The following VTI1A variants were observed in gnomAD, a reference collection of about 807,000 sequenced individuals.
VTI1A encodes the protein vesicle transport through interaction with t-SNAREs homolog 1A.
Under a neutral mutation model 34.9 loss-of-function variants are expected in VTI1A, and 22 were observed. The observed-to-expected ratio is 0.63, with a 90% CI of 0.45 to 0.90. The LOEUF (loss-of-function observed/expected upper bound fraction) is 0.90, where lower values mean the gene tolerates loss of function less well. Among genes scored for constraint, VTI1A ranks in the 40% least tolerant of loss-of-function variants. The probability of loss-of-function intolerance (pLI) is 0.00; values close to 1 mark genes in which losing one functional copy is unlikely to be tolerated. For synonymous variants in VTI1A, 87 were observed against 97.3 expected (o/e 0.89, Z 0.62); for missense variants, 268 against 275.6 (o/e 0.97, Z 0.20).
intron 5 of VTI1A, among the ~76,000 whole-genome samples, chr10:112,605,655 G>T (rs2134489335): frequency 6.6e-6 from 1 of 152,264 alleles, no homozygotes; most frequent in South Asian, 2.1e-4. Context: ...CATTTTCCTT[G>T]CAACTAAGGC....
chr10:112,621,601 A>G (rs12247608), intron 5 of VTI1A, among the ~76,000 whole-genome samples: 13,390 of 152,244 alleles, frequency 0.088, 659 homozygotes, highest in Non-Finnish European at 0.11. Context: ...TCTGGGAACC[A>G]TTCCACCACA....
At chr10:112,678,424 C>T (rs560609458) in intron 7 of VTI1A, among the ~76,000 whole-genome samples, 1 of 152,310 alleles carries the variant, frequency 6.6e-6, no homozygotes, top group African/African-American at 2.4e-5. Context: ...TATACCATCA[C>T]CAAACAACAT....
At chr10:112,841,038 C>T in the VTI1A span, among the ~76,000 whole-genome samples, 1 of 152,186 alleles carries the variant, frequency 6.6e-6, no homozygotes, top group Non-Finnish European at 1.5e-5. Context: ...CCATCTCAGC[C>T]AGCACCAAAG....
At position 112,545,129 on chromosome 10, in the gene VTI1A, G is replaced by A. The variant is rs552740473; in HGVS notation, c.427+6799G>A. Among the ~76,000 whole-genome samples the A allele has an allele frequency of 6.6e-5, 10 of 152,302 alleles. No homozygotes were observed. The South Asian group carries it at 1.5e-3, about 22-fold the overall frequency. On this transcript the variant is annotated intron_variant, in intron 5 of 7. Coordinates refer to ENST00000393077, the MANE Select transcript of VTI1A (RefSeq NM_145206.4). ...AAATTGCCAACAGAGGAATTTGGTC[G>A]TGAAGATACAGGAAAAATTATAAGC...
intron 7 of VTI1A, among the ~76,000 whole-genome samples, chr10:112,755,909 C>T (rs1851268941): frequency 6.6e-6 from 1 of 152,098 alleles, no homozygotes; most frequent in East Asian, 1.9e-4. Flanking sequence ...AAACAGACAG[C>T]GAGATGATCT....
At chr10:112,648,641 G>A (rs1846894640) in intron 5 of VTI1A, among the ~76,000 whole-genome samples, 1 of 152,178 alleles carries the variant, frequency 6.6e-6, no homozygotes, top group Non-Finnish European at 1.5e-5. Context: ...ACTCTGTAAA[G>A]ATTTGTTGTT....
chr10:112,456,315 G>A (rs1346265923), intron 1 of VTI1A, among the ~76,000 whole-genome samples: 2 of 151,628 alleles, frequency 1.3e-5, no homozygotes, highest in Admixed American at 6.6e-5. Context: ...CTAGCTACTC[G>A]GGAGGCTGCA....
intron 7 of VTI1A, among the ~76,000 whole-genome samples, chr10:112,791,644 G>A (rs187946009): frequency 1.3e-5 from 2 of 152,164 alleles, no homozygotes; most frequent in East Asian, 3.9e-4. Context: ...ATTTATGACA[G>A]TGTTTGGCAA....
chr10:112,570,232 G>T (rs925071867), intron 5 of VTI1A, among the ~76,000 whole-genome samples: 1 of 151,974 alleles, frequency 6.6e-6, no homozygotes, highest in Non-Finnish European at 1.5e-5. Flanking sequence ...CTCTAAACTG[G>T]CTGTGTACAA....
the VTI1A span, among the ~76,000 whole-genome samples, chr10:112,841,968 G>A: frequency 2.7e-5 from 4 of 147,600 alleles, no homozygotes; most frequent in Admixed American, 2.7e-4. Flanking sequence ...CAAAAAGCAA[G>A]CAACATAGTT....
At position 112,737,053 on chromosome 10, in the gene VTI1A, ATTTTTTTTCT is replaced by A. The variant is rs749114387; in HGVS notation, c.560+68070_560+68079del. The A allele has an allele frequency of 1.3e-3, 552 of 418,072 alleles. 1 individual carries two copies. The highest frequency in any genetic ancestry group is 3.0e-3 in the African/African-American group (146 of 49,102). The allele number at this position is 418,072 out of a possible 1,614,324, so 25.9% of individuals were successfully genotyped here. On this transcript the variant is annotated intron_variant, in intron 7 of 7. Transcript: ENST00000393077. ...GGAGAAACCCATTACATAGTGGACA[ATTTTTTTTCT>A]TTTTTTTTCTTTTTCTTTTTTTTTT...
chr10:112,576,571 T>C (rs1589925964), intron 5 of VTI1A, among the ~76,000 whole-genome samples: 2 of 152,216 alleles, frequency 1.3e-5, no homozygotes, highest in South Asian at 4.1e-4. Flanking sequence ...GAATAAATAT[T>C]AAACTCTCAA....
intron 7 of VTI1A, chr10:112,737,795 A>T (rs1370018809): frequency 3.8e-5 from 40 of 1,059,568 alleles, no homozygotes; most frequent in Admixed American, 5.4e-5. Context: ...TTACAAATTG[A>T]TGATTTTCTG....
intron 7 of VTI1A, among the ~76,000 whole-genome samples, chr10:112,773,314 T>C (rs557196294): frequency 2.9e-4 from 44 of 152,306 alleles, no homozygotes; most frequent in African/African-American, 9.4e-4. Flanking sequence ...TAGTACCTGG[T>C]ACCTAGTTGC....
At chr10:112,814,372 G>A (rs1051337990) in intron 7 of VTI1A, among the ~76,000 whole-genome samples, 13 of 152,158 alleles carry the variant, frequency 8.5e-5, no homozygotes, top group Admixed American at 7.2e-4. Context: ...CTCTATTTCC[G>A]TGCAGCTCTG....
In VTI1A at chr10:112,815,563, G is replaced by A; in HGVS notation, c.*180G>A. 1 of 593,304 alleles carries A rather than the reference G, an allele frequency of 1.7e-6. No homozygotes were observed. The highest frequency in any genetic ancestry group is 3.0e-6 in the Non-Finnish European group (1 of 333,634). 36.8% of individuals were successfully genotyped at this position (593,304 alleles called of 1,614,324 possible). A position where few individuals can be genotyped will look rare whatever the true frequency, so the allele number is the denominator to read the frequency against. ...ATTTTCTATTCCTGTTTGCATGTGG[G>A]TTGGTTTCCTTTTCGAGGTTTGTCT... On this transcript the variant is annotated 3_prime_UTR_variant, in exon 8 of 8. Coordinates refer to ENST00000393077, the MANE Select transcript of VTI1A (RefSeq NM_145206.4).
intron 7 of VTI1A, among the ~76,000 whole-genome samples, chr10:112,700,146 A>AAAAC (rs1564889760): frequency 2.7e-5 from 4 of 148,714 alleles, no homozygotes; most frequent in East Asian, 2.0e-4. Flanking sequence ...CAAAACAAAA[A>AAAAC]AAAAAAAACA....
chr10:112,578,119 C>T (rs953178035), intron 5 of VTI1A, among the ~76,000 whole-genome samples: 1 of 152,170 alleles, frequency 6.6e-6, no homozygotes, highest in Non-Finnish European at 1.5e-5. Flanking sequence ...CGAATCTGGC[C>T]AGTGGCATAT....
chr10:112,728,689 A>G (rs1850136896), intron 7 of VTI1A, among the ~76,000 whole-genome samples: 1 of 152,196 alleles, frequency 6.6e-6, no homozygotes, highest in African/African-American at 2.4e-5. Flanking sequence ...ACTTGGGGGT[A>G]ATTAGGGGCT....
Sources: allele counts gnomAD v4.1 joint callset (sites outside exome capture counted in the v4.1 genomes callset), GRCh38; gene constraint gnomAD v4.1.1; transcripts MANE v1.5; gene names NCBI Gene and HGNC (gene_info 2026-07-23, HGNC 2026-07-21).